Variants in TRMT9B observed in about 807,000 individuals in gnomAD.
The protein encoded by TRMT9B is tRNA methyltransferase 9B (putative).
TRMT9B carries 16 observed loss-of-function variants against 11.5 expected under a neutral mutation model. The ratio of observed to expected loss-of-function variants is 1.39; its 90% CI spans 0.94 to 2.11. The LOEUF is 2.11. Ranked by LOEUF, TRMT9B falls within the 30% of genes most tolerant of loss-of-function variation. The probability of loss-of-function intolerance (pLI) is 0.00; values close to 1 mark genes in which losing one functional copy is unlikely to be tolerated. For missense variants in TRMT9B, 941 were observed against 553.8 expected, an observed-to-expected ratio of 1.70 and a Z score of -7.02; for synonymous variants, 274 against 192.4, an observed-to-expected ratio of 1.42 and a Z score of -3.51.
At chr8:12,947,765 C>A (rs1428861251) in intron 1 of TRMT9B, among the ~76,000 whole-genome samples, 3 of 152,206 alleles carry the variant, frequency 2.0e-5, no homozygotes, top group Non-Finnish European at 2.9e-5. Flanking sequence ...ATTACATAAG[C>A]TGGAGAAATT....
At chr8:12,977,918 A>C (rs1239766140) in intron 1 of TRMT9B, among the ~76,000 whole-genome samples, 1 of 151,906 alleles carries the variant, frequency 6.6e-6, no homozygotes, top group African/African-American at 2.4e-5. Context: ...AGTCCCATCT[A>C]CTAGGGAGGC....
At chr8:13,003,635 G>A (rs1419525625) in intron 2 of TRMT9B, among the ~76,000 whole-genome samples, 1 of 151,750 alleles carries the variant, frequency 6.6e-6, no homozygotes, top group Non-Finnish European at 1.5e-5. Context: ...ATCGGAAAGA[G>A]CCTTATGTGC....
At position 13,021,457 on chromosome 8, in the gene TRMT9B, A is replaced by G. The variant is rs772251263; in HGVS notation, c.778A>G (p.Thr260Ala). 1.6e-5 allele frequency: 26 copies of G among 1,613,850 alleles called. No individual in the cohort carries two copies. The South Asian group carries it at 2.9e-4, about 18-fold the overall frequency. ...WFFSRSLDES[T>A]LRKQIERVRP... is the part of the protein sequence containing the mutation. ...TTTCTCCAGATCTTTGGATGAATCG[A>G]CTCTGAGGAAGCAAATTGAAAGAGT... is the stretch of plus-strand genomic sequence containing the variant. Residue 260 changes from threonine (T) to alanine (A), a missense_variant, in exon 5 of 5, where the codon ACT becomes GCT. Transcript: ENST00000524591.
In TRMT9B at chr8:13,027,413, C is replaced by G. The variant is rs1328500063; in HGVS notation, c.*5369C>G. 1 of 166,988 alleles carries G rather than the reference C, an allele frequency of 6.0e-6. No homozygotes were observed. The highest frequency in any genetic ancestry group is 2.4e-5 in the African/African-American group (1 of 41,424). The allele number at this position is 166,988 out of a possible 1,614,324, so 10.3% of individuals were successfully genotyped here. A position where few individuals can be genotyped will look rare whatever the true frequency, so the allele number is the denominator to read the frequency against. On this transcript the variant is annotated 3_prime_UTR_variant, in exon 5 of 5. Transcript: ENST00000524591. ...AAAGCTTGGACTTAATCTAGCTTAC[C>G]CTAGACGTATTAACATCCTATAGCG... is the stretch of plus-strand genomic sequence containing the variant.
rs190444464 is a variant in TRMT9B, at chr8:13,014,859, A to C, written c.328+2002A>C. On this transcript the variant is annotated intron_variant, in intron 4 of 4. Transcript: ENST00000524591. ...GGGTGGATCACAAGGTCAGGAGTTC[A>C]AGACCAGCCTGGCCAAGAAGGTGAA... Among the ~76,000 whole-genome samples the C allele has an allele frequency of 6.5e-3, 989 of 152,124 alleles. 11 individuals are homozygous for C. Among genetic ancestry groups the C allele is most frequent in the Admixed American group, 0.02 (313 of 15,270 alleles).
intron 2 of TRMT9B, among the ~76,000 whole-genome samples, chr8:13,004,474 T>C (rs1219348039): frequency 6.6e-6 from 1 of 151,834 alleles, no homozygotes; most frequent in Non-Finnish European, 1.5e-5. Context: ...TGGATACCAG[T>C]TCAGCTGCGG....
At chr8:12,996,321 G>C (rs1808330829) in intron 2 of TRMT9B, among the ~76,000 whole-genome samples, 1 of 152,090 alleles carries the variant, frequency 6.6e-6, no homozygotes, top group Admixed American at 6.6e-5. Context: ...CACTTACCTG[G>C]TGCCCTAACT....
chr8:13,012,242 C>A, intron 3 of TRMT9B: 1 of 985,144 alleles, frequency 1.0e-6, no homozygotes, highest in Non-Finnish European at 1.2e-6. Flanking sequence ...TTTGTGAATA[C>A]CTTCACACCA....
At chr8:13,005,795 G>C (rs1475909120) in intron 2 of TRMT9B, among the ~76,000 whole-genome samples, 1 of 152,158 alleles carries the variant, frequency 6.6e-6, no homozygotes, top group African/African-American at 2.4e-5. Flanking sequence ...AGAATTAATA[G>C]CGCTTTGCTA....
At chr8:12,978,243 A>G (rs1471519565) in intron 1 of TRMT9B, among the ~76,000 whole-genome samples, 1 of 152,192 alleles carries the variant, frequency 6.6e-6, no homozygotes, top group Admixed American at 6.5e-5. Context: ...TCCTTGGCTG[A>G]CAGGAGAATG....
chr8:12,953,384 C>G (rs1028753105), intron 1 of TRMT9B, among the ~76,000 whole-genome samples: 1 of 152,178 alleles, frequency 6.6e-6, no homozygotes, highest in South Asian at 2.1e-4. Flanking sequence ...GAGCCTCACT[C>G]TATCGCCTAG....
intron 3 of TRMT9B, chr8:13,010,255 T>A: frequency 2.3e-6 from 2 of 886,288 alleles, no homozygotes; most frequent in Non-Finnish European, 2.7e-6. Context: ...TTGTACTATA[T>A]ACATTTTTTA....
chr8:12,987,668 G>A (rs1023839840), intron 1 of TRMT9B, among the ~76,000 whole-genome samples: 1 of 144,072 alleles, frequency 6.9e-6, no homozygotes, highest in Non-Finnish European at 1.5e-5. Context: ...CTCCAGCCTG[G>A]GCAACAGAAT....
intron 4 of TRMT9B, among the ~76,000 whole-genome samples, chr8:13,018,392 G>A (rs1323165743): frequency 3.9e-5 from 2 of 51,260 alleles, no homozygotes; most frequent in Admixed American, 5.0e-4. Context: ...GCAAGACCCT[G>A]TCTCAAAAAA....
rs533181983 is a variant in TRMT9B, at chr8:13,023,257, G to A, written c.*1213G>A. 3 of 167,176 alleles carry A rather than the reference G, an allele frequency of 1.8e-5. No individual in the cohort carries two copies. The highest frequency in any genetic ancestry group is 3.9e-4 in the East Asian group (2 of 5,188). The allele number at this position is 167,176 out of a possible 1,614,324, so 10.4% of individuals were successfully genotyped here. On this transcript the variant is annotated 3_prime_UTR_variant, in exon 5 of 5. Coordinates refer to ENST00000524591, the MANE Select transcript of TRMT9B (RefSeq NM_020844.3). ...AGTTGACGGACTCTTTAGGAAAGGA[G>A]AATCTAAGTGAAGCACTGATTTTAG...
chr8:13,003,130 C>T (rs1809776125), intron 2 of TRMT9B, among the ~76,000 whole-genome samples: 1 of 152,094 alleles, frequency 6.6e-6, no homozygotes, highest in South Asian at 2.1e-4. Flanking sequence ...GCAGACTCTG[C>T]CAGAGAAAAA....
At chr8:13,019,816 A>G (rs918319370) in intron 4 of TRMT9B, among the ~76,000 whole-genome samples, 9 of 152,230 alleles carry the variant, frequency 5.9e-5, no homozygotes, top group African/African-American at 2.2e-4. Flanking sequence ...TAAAGATCAC[A>G]AAACTAGTTA....
At chr8:12,989,839 C>G (rs1807015061) in intron 1 of TRMT9B, among the ~76,000 whole-genome samples, 1 of 152,224 alleles carries the variant, frequency 6.6e-6, no homozygotes, top group African/African-American at 2.4e-5. Flanking sequence ...CTTAAACGCA[C>G]TTCTAAAAAG....
intron 1 of TRMT9B, among the ~76,000 whole-genome samples, chr8:12,963,290 T>G (rs1802379383): frequency 6.6e-6 from 1 of 151,976 alleles, no homozygotes. Context: ...AAAATTAGCC[T>G]GGTGTGGTGG....
Sources: gnomAD v4.1 joint callset for allele counts (sites outside exome capture counted in the v4.1 genomes callset) on GRCh38, gnomAD v4.1.1 for gene constraint, MANE v1.5 for transcripts, NCBI Gene and HGNC (gene_info 2026-07-23, HGNC 2026-07-21) for gene names.